Variants in TTC28 observed in about 807,000 individuals in gnomAD.
The protein encoded by TTC28 is tetratricopeptide repeat domain 28.
Under a neutral mutation model 198.0 loss-of-function variants are expected in TTC28, and 61 were observed. That is an observed-to-expected ratio of 0.31 (90% CI 0.25 to 0.38). TTC28 has a LOEUF of 0.38. TTC28 is among the 10% of genes least tolerant of loss of function. The pLI is 1.00. For synonymous variants in TTC28, 1,171 were observed against 1,297.8 expected, an observed-to-expected ratio of 0.90 and a Z score of 2.10; for missense variants, 2,678 against 3,164.0, an observed-to-expected ratio of 0.85 and a Z score of 3.69.
chr22:28,272,199 T>G (rs1024372960), intron 5 of TTC28, among the ~76,000 whole-genome samples: 1 of 152,202 alleles, frequency 6.6e-6, no homozygotes, highest in African/African-American at 2.4e-5. Context: ...TTCATAGATG[T>G]TCCCAAAATT....
At chr22:28,544,186 C>T (rs1461794726) in intron 2 of TTC28, among the ~76,000 whole-genome samples, 1 of 152,176 alleles carries the variant, frequency 6.6e-6, no homozygotes, top group Non-Finnish European at 1.5e-5. Flanking sequence ...CCACTGCACT[C>T]CAGCCTGGGC....
chr22:28,333,876 C>A lies in TTC28; in HGVS notation c.382-27233G>T, dbSNP rs557025895. On this transcript the variant is annotated intron_variant, in intron 2 of 22. Coordinates refer to ENST00000397906, the MANE Select transcript of TTC28 (RefSeq NM_001145418.2). ...TTTTTTATTTTTTATTATACTTTAA[C>A]TTTTAGGGTACATGTCCATAACGTG... is the stretch of plus-strand genomic sequence containing the variant. Among the ~76,000 whole-genome samples, 10 of 151,884 alleles carry A rather than the reference C, an allele frequency of 6.6e-5. No individual in the cohort carries two copies. In the South Asian group the frequency reaches 2.1e-3, roughly 32 times the overall value.
intron 2 of TTC28, among the ~76,000 whole-genome samples, chr22:28,483,627 T>TC: frequency 6.6e-6 from 1 of 152,238 alleles, no homozygotes; most frequent in Non-Finnish European, 1.5e-5. Flanking sequence ...ATGAATTTTC[T>TC]TGATCACCAG....
At chr22:28,602,972 CG>C (rs1445158485) in intron 2 of TTC28, among the ~76,000 whole-genome samples, 2 of 152,112 alleles carry the variant, frequency 1.3e-5, no homozygotes, top group African/African-American at 4.8e-5. Flanking sequence ...CTCTGCCTCC[CG>C]GGTTCCAGCG....
intron 2 of TTC28, among the ~76,000 whole-genome samples, chr22:28,330,375 C>T (rs1167550115): frequency 1.3e-5 from 2 of 152,054 alleles, no homozygotes; most frequent in Non-Finnish European, 2.9e-5. Flanking sequence ...ACAACTGGGG[C>T]CTCGATTGGC....
intron 2 of TTC28, among the ~76,000 whole-genome samples, chr22:28,603,026 G>A (rs1401050398): frequency 3.9e-5 from 6 of 151,972 alleles, no homozygotes; most frequent in Non-Finnish European, 7.4e-5. Flanking sequence ...GATTACAGGC[G>A]TGCACCACCA....
chr22:28,101,353 G>A, intron 8 of TTC28, 73 bp from the exon 9 acceptor site: 1 of 1,245,614 alleles, frequency 8.0e-7, no homozygotes, highest in East Asian at 2.6e-5. Flanking sequence ...GTCCTGAAGG[G>A]TCATTTTACT....
intron 2 of TTC28, among the ~76,000 whole-genome samples, chr22:28,386,768 G>C (rs889845540): frequency 2.6e-5 from 4 of 152,014 alleles, no homozygotes; most frequent in South Asian, 4.2e-4. Flanking sequence ...GTGTTTCCTT[G>C]AGACATTTTT....
intron 2 of TTC28, among the ~76,000 whole-genome samples, chr22:28,324,043 T>A (rs1339692012): frequency 6.6e-6 from 1 of 152,164 alleles, no homozygotes; most frequent in African/African-American, 2.4e-5. Flanking sequence ...GAAAGAGATA[T>A]AATGACCTTC....
intron 5 of TTC28, among the ~76,000 whole-genome samples, chr22:28,245,969 T>C (rs1930063088): frequency 6.6e-6 from 1 of 152,210 alleles, no homozygotes; most frequent in South Asian, 2.1e-4. Context: ...ATGCTTCCTA[T>C]GTTCTTCTAT....
At chr22:28,159,767 AT>A (rs1413486922) in intron 6 of TTC28, among the ~76,000 whole-genome samples, 1 of 152,070 alleles carries the variant, frequency 6.6e-6, no homozygotes, top group Non-Finnish European at 1.5e-5. Context: ...CTGTACTTCT[AT>A]TTTTTGCAGC....
intron 2 of TTC28, among the ~76,000 whole-genome samples, chr22:28,494,963 A>G (rs2146352491): frequency 6.6e-6 from 1 of 152,246 alleles, no homozygotes; most frequent in Admixed American, 6.5e-5. Context: ...AAAATTTTAG[A>G]AATAAAAAGG....
chr22:28,434,334 C>G (rs1272358180), intron 2 of TTC28, among the ~76,000 whole-genome samples: 1 of 152,058 alleles, frequency 6.6e-6, no homozygotes, highest in Non-Finnish European at 1.5e-5. Flanking sequence ...TGCTTAGTAC[C>G]TTCTGTTTAA....
intron 2 of TTC28, among the ~76,000 whole-genome samples, chr22:28,502,864 A>AC (rs2048556097): frequency 1.3e-5 from 2 of 152,182 alleles, no homozygotes; most frequent in Non-Finnish European, 1.5e-5. Context: ...CTTATTAATA[A>AC]AAATTCATCA....
rs117619223 is a variant in TTC28 at position 28,228,059 on chromosome 22, C to T, written c.934-64460G>A. On this transcript the variant is annotated intron_variant, in intron 5 of 22. Coordinates refer to ENST00000397906, the MANE Select transcript of TTC28 (RefSeq NM_001145418.2). ...CTTCAAAAAGAAGGAAATTCTGATG[C>T]ATGCTACATGAATAAACCTTGAAGA... Among the ~76,000 whole-genome samples the T allele has an allele frequency of 1.6e-3, 248 of 152,146 alleles. 7 individuals carry two copies. The East Asian group carries it at 0.043, about 26-fold the overall frequency.
intron 12 of TTC28, among the ~76,000 whole-genome samples, chr22:28,049,225 A>G (rs1939983952): frequency 6.6e-6 from 1 of 152,194 alleles, no homozygotes; most frequent in African/African-American, 2.4e-5. Flanking sequence ...GAGATGTGCC[A>G]CAGGAGCAGC....
intron 2 of TTC28, among the ~76,000 whole-genome samples, chr22:28,430,383 C>T (rs1031920617): frequency 7.2e-5 from 11 of 152,064 alleles, no homozygotes; most frequent in African/African-American, 2.7e-4. Flanking sequence ...GTGAATTGTG[C>T]TACAGATCTC....
chr22:28,423,022 G>C (rs2047286274), intron 2 of TTC28, among the ~76,000 whole-genome samples: 1 of 152,070 alleles, frequency 6.6e-6, no homozygotes, highest in South Asian at 2.1e-4. Flanking sequence ...TACATACCAT[G>C]TATCTGTCAT....
At chr22:28,529,083 A>G (rs1414872018) in intron 2 of TTC28, among the ~76,000 whole-genome samples, 1 of 152,168 alleles carries the variant, frequency 6.6e-6, no homozygotes, top group Non-Finnish European at 1.5e-5. Flanking sequence ...GGTGCAGCCC[A>G]CAGAGTGTGA....
Sources: allele counts gnomAD v4.1 joint callset (sites outside exome capture counted in the v4.1 genomes callset), GRCh38; gene constraint gnomAD v4.1.1; transcripts MANE v1.5; gene names NCBI Gene and HGNC (gene_info 2026-07-23, HGNC 2026-07-21).